ULK2: variants seen among roughly 807,000 people sequenced by gnomAD.
The protein encoded by ULK2 is unc-51 like autophagy activating kinase 2.
ULK2 carries 76 observed loss-of-function variants against 127.5 expected under a neutral mutation model. That is an observed-to-expected ratio of 0.60 (90% CI 0.50 to 0.72). The LOEUF (loss-of-function observed/expected upper bound fraction) is 0.72. Among genes scored for constraint, ULK2 ranks in the 30% least tolerant of loss-of-function variants. The pLI is 0.00. For missense variants in ULK2, 1,144 were observed against 1,295.9 expected (o/e 0.88, Z 1.80); for synonymous variants, 452 against 461.9 (o/e 0.98, Z 0.28).
chr17:19,855,105 A>G (rs1278964945), intron 3 of ULK2, among the ~76,000 whole-genome samples: 1 of 147,872 alleles, frequency 6.8e-6, no homozygotes. Flanking sequence ...ATCTCAAAAA[A>G]AAAAAAAAAA....
intron 12 of ULK2, among the ~76,000 whole-genome samples, chr17:19,821,813 C>A (rs2041153467): frequency 6.6e-6 from 1 of 152,012 alleles, no homozygotes; most frequent in Non-Finnish European, 1.5e-5. Flanking sequence ...AATCATAGCT[C>A]ACTGTAACCT....
At chr17:19,818,268 A>G (rs947883061) in intron 12 of ULK2, among the ~76,000 whole-genome samples, 10 of 150,860 alleles carry the variant, frequency 6.6e-5, no homozygotes, top group Admixed American at 3.3e-4. Context: ...GCTTGCAGTG[A>G]GCCAAGACTG....
At chr17:19,826,956 C>CAA (rs757947424) in intron 10 of ULK2, among the ~76,000 whole-genome samples, 2 of 87,508 alleles carry the variant, frequency 2.3e-5, no homozygotes, top group African/African-American at 4.1e-5. Context: ...GACTCCGTCT[C>CAA]AAAAAAAAAA....
In ULK2 at chr17:19,771,919, T is replaced by C. The variant is rs559703610; in HGVS notation, c.*4430A>G. ...ACTGTCTTGGGACAGGAGATCATGCTGCAGAGCCCAGGGAGGTCCGCCCTG... is the reference window on the plus strand; with the variant it reads ...ACTGTCTTGGGACAGGAGATCATGCCGCAGAGCCCAGGGAGGTCCGCCCTG... On this transcript the variant is annotated 3_prime_UTR_variant, in exon 27 of 27. Coordinates refer to ENST00000395544, the MANE Select transcript of ULK2 (RefSeq NM_014683.4). 2.0e-5 allele frequency: 3 copies of C among 152,420 alleles called. No homozygotes were observed. Among genetic ancestry groups the C allele is most frequent in the African/African-American group, 7.2e-5 (3 of 41,594 alleles). 9.4% of individuals were successfully genotyped at this position (152,420 alleles called of 1,614,324 possible).
intron 10 of ULK2, among the ~76,000 whole-genome samples, chr17:19,829,362 C>T (rs1209981112): frequency 2.0e-5 from 3 of 151,678 alleles, no homozygotes; most frequent in Non-Finnish European, 2.9e-5. Flanking sequence ...ATGGTGAAAC[C>T]CTGTCTCCAC....
chr17:19,796,218 C>A lies in ULK2; in HGVS notation c.1874G>T (p.Arg625Leu), dbSNP rs372735795. 1.2e-6 allele frequency: 2 copies of A among 1,613,830 alleles called. No homozygotes were observed. The highest frequency in any genetic ancestry group is 1.1e-5 in the South Asian group (1 of 91,068). Reference protein sequence around the residue: ...ASSNLLALVTRHGPAEEQSKD... With the variant: ...ASSNLLALVTLHGPAEEQSKD... ...CGACTGTTCTTCAGCAGGCCCATGA[C>A]GAGTAACCAAGGCTAACAGGTTGGA... is the stretch of plus-strand genomic sequence containing the variant. The change falls in exon 19 of 27, where the codon CGT (arginine) becomes CTT (leucine). Residue 625 changes from arginine (R) to leucine (L), a missense_variant. Physicochemically the swap from Arg to Leu is moderately radical, Grantham distance 102. Around this residue, in one of 2 missense-constraint regions of ULK2, gnomAD observed 913 missense variants for 970.5 expected, o/e 0.94. Coordinates refer to ENST00000395544, the MANE Select transcript of ULK2 (RefSeq NM_014683.4).
intron 7 of ULK2, 119 bp from the exon 8 acceptor site, chr17:19,843,341 G>A (rs2041808578): frequency 1.7e-6 from 1 of 575,374 alleles, no homozygotes; most frequent in Non-Finnish European, 3.0e-6. Context: ...ACAACACCCT[G>A]TGATAGTTCT....
At position 19,823,126 on chromosome 17, in the gene ULK2, A is replaced by ATTTTTTTTTTT. The variant is rs3884213; in HGVS notation, c.924+1957_924+1967dup. Among the ~76,000 whole-genome samples the ATTTTTTTTTTT allele has an allele frequency of 7.9e-3, 897 of 113,074 alleles. 76 individuals are homozygous for ATTTTTTTTTTT. In the East Asian group the frequency reaches 0.098, roughly 12 times the overall value. The allele number at this position is 113,074 out of a possible 152,430, so 74.2% of individuals were successfully genotyped here. A position where few individuals can be genotyped will look rare whatever the true frequency, so the allele number is the denominator to read the frequency against. On this transcript the variant is annotated intron_variant, in intron 12 of 26. Transcript: ENST00000395544. ...CAGTCATGCCCAGGCACGCCTGGCT[A>ATTTTTTTTTTT]TTTTTTTTTTTTTTTTTTTAGTAGA...
intron 10 of ULK2, among the ~76,000 whole-genome samples, chr17:19,836,214 G>A (rs2041594023): frequency 6.6e-6 from 1 of 151,642 alleles, no homozygotes; most frequent in African/African-American, 2.4e-5. Context: ...TTCAAGATCA[G>A]CCTGACCAAC....
intron 21 of ULK2, 175 bp from the exon 22 acceptor site, chr17:19,784,080 T>C (rs991075959): frequency 1.6e-5 from 7 of 446,274 alleles, no homozygotes; most frequent in Non-Finnish European, 2.2e-5. Context: ...TTATCCATGT[T>C]CATTGTTATT....
chr17:19,835,980 G>A (rs1038416974), intron 10 of ULK2, among the ~76,000 whole-genome samples: 2 of 151,528 alleles, frequency 1.3e-5, no homozygotes, highest in African/African-American at 4.8e-5. Context: ...AAAATTAGCC[G>A]ACTGGGCCGC....
chr17:19,789,979 C>CA (rs2087117058), intron 20 of ULK2, among the ~76,000 whole-genome samples: 1 of 148,048 alleles, frequency 6.8e-6, no homozygotes. Flanking sequence ...ATGACCCGAT[C>CA]AAAAATAATA....
intron 19 of ULK2, 31 bp downstream of exon 19, chr17:19,796,064 G>A: frequency 6.3e-7 from 1 of 1,580,376 alleles, no homozygotes; most frequent in East Asian, 2.2e-5. Flanking sequence ...CAGTTTTCAT[G>A]TTTAATGCTA....
intron 10 of ULK2, among the ~76,000 whole-genome samples, chr17:19,827,740 C>T (rs1050843674): frequency 1.3e-5 from 2 of 151,920 alleles, no homozygotes; most frequent in African/African-American, 2.4e-5. Flanking sequence ...GGAGAAACCC[C>T]GTCTCTACTA....
Position 19,780,610 on chromosome 17 carries a change from T to C in ULK2, c.2778A>G (p.Glu926=), listed in dbSNP as rs1480640992. ...AVKQVVKNLN[E]RYKFCITMCK... ...ACATGGTGATGCAGAATTTATATCG[T>C]TCGTTCAGATTCTTGACAACTGAAA... is the stretch of plus-strand genomic sequence containing the variant. The change falls in exon 25 of 27, where the codon GAA becomes GAG. Residue 926 remains glutamate, a synonymous_variant. Transcript: ENST00000395544. 8.7e-6 allele frequency: 14 copies of C among 1,602,118 alleles called. No homozygotes were observed. The highest frequency in any genetic ancestry group is 1.2e-5 in the Non-Finnish European group (14 of 1,176,614).
intron 3 of ULK2, among the ~76,000 whole-genome samples, chr17:19,858,873 G>T (rs1054836826): frequency 3.3e-5 from 5 of 152,190 alleles, no homozygotes; most frequent in Admixed American, 1.3e-4. Context: ...GGGAGGCTGA[G>T]GCAGGAGAAC....
Position 19,816,755 on chromosome 17 carries a change from G to C in ULK2, c.1090C>G (p.His364Asp). 1 of 1,587,690 alleles carries C rather than the reference G, an allele frequency of 6.3e-7. No homozygotes were observed. ...VLVPHNISSD[H>D]SCDMPVGTAG... ...AAGTAGAAAAGATTCTCACATGAGT[G>C]GTCTGACGAGATGTTGTGTGGCACC... The change falls in exon 13 of 27, where the codon CAC (histidine) becomes GAC (aspartate). Residue 364 changes from histidine to aspartate, a missense_variant. Transcript: ENST00000395544.
intron 8 of ULK2, 78 bp from the exon 9 acceptor site, chr17:19,841,625 T>C: frequency 5.9e-6 from 6 of 1,016,518 alleles, no homozygotes; most frequent in Non-Finnish European, 8.3e-6. Flanking sequence ...ACTCATATGC[T>C]TTTTTTTTAA....
rs1354387890 is a variant in ULK2, at chr17:19,774,911, A to AT, written c.*1437dup. 7 of 152,696 alleles carry AT rather than the reference A, an allele frequency of 4.6e-5. No homozygotes were observed. Among genetic ancestry groups the AT allele is most frequent in the African/African-American group, 1.7e-4 (7 of 41,484 alleles). 9.5% of individuals were successfully genotyped at this position (152,696 alleles called of 1,614,324 possible). A position where few individuals can be genotyped will look rare whatever the true frequency, so the allele number is the denominator to read the frequency against. On this transcript the variant is annotated 3_prime_UTR_variant, in exon 27 of 27. Coordinates refer to ENST00000395544, the MANE Select transcript of ULK2 (RefSeq NM_014683.4). ...TTAAAGACCTAAAAATACAAACGTC[A>AT]TATAAATAAATGTTCAAATTAACTA... is the stretch of plus-strand genomic sequence containing the variant.
Sources: allele counts gnomAD v4.1 joint callset (sites outside exome capture counted in the v4.1 genomes callset), GRCh38; gene constraint gnomAD v4.1.1; regional missense constraint gnomAD v4.1.1; transcripts MANE v1.5; gene names NCBI Gene and HGNC (gene_info 2026-07-23, HGNC 2026-07-21).